KCNH5: variants seen among roughly 807,000 people sequenced by gnomAD.
KCNH5 encodes the protein potassium voltage-gated channel subfamily H member 5.
KCNH5 carries 46 observed loss-of-function variants against 96.1 expected under a neutral mutation model. The ratio of observed to expected loss-of-function variants is 0.48; its 90% CI spans 0.38 to 0.61. The LOEUF (loss-of-function observed/expected upper bound fraction) is 0.61. Ranked by LOEUF, KCNH5 falls within the 20% of genes least tolerant of loss-of-function variation. The probability of loss-of-function intolerance (pLI) is 0.00; values close to 1 mark genes in which losing one functional copy is unlikely to be tolerated. For synonymous variants in KCNH5, 439 were observed against 449.8 expected (o/e 0.98, Z 0.30); for missense variants, 907 against 1,225.8 (o/e 0.74, Z 3.88).
At chr14:62,766,009 A>T (rs11851948) in intron 10 of KCNH5, among the ~76,000 whole-genome samples, 41,922 of 152,108 alleles carry the variant, frequency 0.28, 6,416 homozygotes, top group South Asian at 0.55. Context: ...ATATCTAATA[A>T]TCCAATCAAA....
At position 62,705,645 on chromosome 14, in the gene KCNH5, A is replaced by G. The variant is rs1884415787; in HGVS notation, c.*1863T>C. 6.6e-6 allele frequency: 1 copy of G among 152,060 alleles called. No homozygotes were observed. Among genetic ancestry groups the G allele is most frequent in the African/African-American group, 2.4e-5 (1 of 41,448 alleles). 9.4% of individuals were successfully genotyped at this position (152,060 alleles called of 1,614,324 possible). A position where few individuals can be genotyped will look rare whatever the true frequency, so the allele number is the denominator to read the frequency against. On this transcript the variant is annotated 3_prime_UTR_variant, in exon 11 of 11. Coordinates refer to ENST00000322893, the MANE Select transcript of KCNH5 (RefSeq NM_139318.5). ...ATGGCTCATATGTTTTGAGACTCCT[A>G]GATTAAAGAGGCACATCTTGTGGGC...
intron 1 of KCNH5, among the ~76,000 whole-genome samples, chr14:63,022,717 A>C (rs1476227715): frequency 6.6e-6 from 1 of 152,102 alleles, no homozygotes; most frequent in Non-Finnish European, 1.5e-5. Context: ...TCTCTGCCTA[A>C]ATACCATTCC....
chr14:62,784,018 T>C (rs2139980696), intron 9 of KCNH5, among the ~76,000 whole-genome samples: 1 of 151,802 alleles, frequency 6.6e-6, no homozygotes, highest in South Asian at 2.1e-4. Flanking sequence ...AATTTATTAG[T>C]CTATTCTCAC....
intron 10 of KCNH5, among the ~76,000 whole-genome samples, chr14:62,768,215 TAA>T (rs11347891): frequency 6.6e-6 from 1 of 151,722 alleles, no homozygotes; most frequent in Non-Finnish European, 1.5e-5. Flanking sequence ...ATACAAATTA[TAA>T]AAAAAATTAA....
At position 62,718,812 on chromosome 14, in the gene KCNH5, T is replaced by G. The variant is rs72728731; in HGVS notation, c.2020-10357A>C. On this transcript the variant is annotated intron_variant, in intron 10 of 10. Transcript: ENST00000322893. ...CAAAAAGTAGAAACAACCCACATAT[T>G]CATTAATTGATGAATTGACAAAAAT... Among the ~76,000 whole-genome samples the G allele has an allele frequency of 3.6e-3, 546 of 152,310 alleles. 1 individual carries two copies. The highest frequency in any genetic ancestry group is 5.8e-3 in the Non-Finnish European group (394 of 68,030).
intron 8 of KCNH5, among the ~76,000 whole-genome samples, chr14:62,820,165 G>A (rs896021343): frequency 1.3e-5 from 2 of 152,060 alleles, no homozygotes; most frequent in South Asian, 2.1e-4. Context: ...AGCTCTGAGG[G>A]GGGTATATAA....
At chr14:63,012,851 T>A (rs1167848001) in intron 2 of KCNH5, among the ~76,000 whole-genome samples, 2 of 151,466 alleles carry the variant, frequency 1.3e-5, no homozygotes, top group Non-Finnish European at 2.9e-5. Flanking sequence ...ACAACCAACA[T>A]ATGCAAAGCA....
At chr14:62,950,006 C>G in intron 7 of KCNH5, 127 bp downstream of exon 7, 1 of 738,374 alleles carries the variant, frequency 1.4e-6, no homozygotes, top group East Asian at 2.7e-5. Context: ...TTAAAAAAAA[C>G]AATTGCAAAT....
intron 6 of KCNH5, among the ~76,000 whole-genome samples, chr14:62,966,954 G>A (rs1207743609): frequency 6.6e-6 from 1 of 152,164 alleles, no homozygotes; most frequent in East Asian, 1.9e-4. Context: ...GCATGGCAGT[G>A]TTCCCTTTTA....
intron 7 of KCNH5, among the ~76,000 whole-genome samples, chr14:62,865,934 G>T (rs1888126531): frequency 6.6e-6 from 1 of 152,012 alleles, no homozygotes. Context: ...AAACAAGATT[G>T]GATCTTTTAA....
chr14:62,995,848 T>G (rs1198566446), intron 4 of KCNH5, among the ~76,000 whole-genome samples: 1 of 152,114 alleles, frequency 6.6e-6, no homozygotes, highest in African/African-American at 2.4e-5. Flanking sequence ...GAAGAGACTT[T>G]GTATCTCCAG....
At chr14:62,984,587 G>T (rs1297965501) in intron 5 of KCNH5, among the ~76,000 whole-genome samples, 1 of 152,138 alleles carries the variant, frequency 6.6e-6, no homozygotes. Context: ...TATCTTTGGA[G>T]ATCTAAGAGC....
chr14:62,874,505 G>A (rs905054466), intron 7 of KCNH5, among the ~76,000 whole-genome samples: 1 of 152,066 alleles, frequency 6.6e-6, no homozygotes, highest in Non-Finnish European at 1.5e-5. Context: ...GATCAAGTGG[G>A]CTTCATCCCT....
chr14:62,945,731 G>A lies in KCNH5; in HGVS notation c.1369+4402C>T, dbSNP rs368488608. ...ATTTCTGTAGAGGCGATACCGTGGA[G>A]AGCCACATGAATTCGGGTCATAGGT... is the stretch of plus-strand genomic sequence containing the variant. On this transcript the variant is annotated intron_variant, in intron 7 of 10. Coordinates refer to ENST00000322893, the MANE Select transcript of KCNH5 (RefSeq NM_139318.5). Among the ~76,000 whole-genome samples, 64 of 152,202 alleles carry A rather than the reference G, an allele frequency of 4.2e-4. 4 individuals are homozygous for A. The South Asian group carries it at 8.3e-3, about 20-fold the overall frequency.
At position 62,702,138 on chromosome 14, in the gene KCNH5, T is replaced by A. The variant is rs1217231597; in HGVS notation, c.*5370A>T. The A allele has an allele frequency of 6.6e-6, 1 of 152,022 alleles. No individual in the cohort carries two copies. The highest frequency in any genetic ancestry group is 1.5e-5 in the Non-Finnish European group (1 of 67,934). 9.4% of individuals were successfully genotyped at this position (152,022 alleles called of 1,614,324 possible). On this transcript the variant is annotated 3_prime_UTR_variant, in exon 11 of 11. Transcript: ENST00000322893. The stretch of plus-strand genomic sequence containing the variant: ...GTTAAAATTCAACTGGAAAAGAAAA[T>A]GTTGATACCAGTGACCATATATCAA...
chr14:62,970,044 TAAAAAA>T (rs373852520), intron 6 of KCNH5, among the ~76,000 whole-genome samples: 8 of 30,416 alleles, frequency 2.6e-4, no homozygotes, highest in South Asian at 1.0e-3. Flanking sequence ...AGACTCCGTC[TAAAAAA>T]AAAAAAAAAA....
chr14:62,958,556 A>C (rs917037518), intron 6 of KCNH5, among the ~76,000 whole-genome samples: 1 of 152,124 alleles, frequency 6.6e-6, no homozygotes, highest in Non-Finnish European at 1.5e-5. Flanking sequence ...AATTACACCA[A>C]CTGCAAAAGT....
chr14:62,950,035 T>G (rs761650795), intron 7 of KCNH5, 98 bp downstream of exon 7: 2 of 1,001,672 alleles, frequency 2.0e-6, no homozygotes, highest in African/African-American at 3.3e-5. Flanking sequence ...TTAAATACCT[T>G]TCTGTAAACA....
chr14:62,954,281 C>T (rs1890058980), intron 6 of KCNH5, among the ~76,000 whole-genome samples: 1 of 152,188 alleles, frequency 6.6e-6, no homozygotes, highest in African/African-American at 2.4e-5. Flanking sequence ...CTCCCCCGTC[C>T]CCCACTGGGA....
Sources: allele counts gnomAD v4.1 joint callset (sites outside exome capture counted in the v4.1 genomes callset), GRCh38; gene constraint gnomAD v4.1.1; transcripts MANE v1.5; gene names NCBI Gene and HGNC (gene_info 2026-07-23, HGNC 2026-07-21).